Variants in TNPO3 observed in about 807,000 individuals in gnomAD.
TNPO3 encodes the protein transportin 3.
A neutral mutation model predicts 122.8 loss-of-function variants in TNPO3; 65 were observed. That is an observed-to-expected ratio of 0.53 (90% CI 0.43 to 0.65). TNPO3 has a LOEUF of 0.65. TNPO3 is among the 30% of genes least tolerant of loss of function. TNPO3 has a pLI of 0.00. For missense variants in TNPO3, 850 were observed against 1,136.7 expected (o/e 0.75, Z 3.63); for synonymous variants, 372 against 411.2 (o/e 0.90, Z 1.15).
At chr7:128,983,034 C>T in intron 13 of TNPO3, among the ~76,000 whole-genome samples, 1 of 152,210 alleles carries the variant, frequency 6.6e-6, no homozygotes. Context: ...CTCCCACCAA[C>T]TGAATAGGTC....
At chr7:129,033,632 A>C (rs564213946) in intron 1 of TNPO3, among the ~76,000 whole-genome samples, 1 of 152,150 alleles carries the variant, frequency 6.6e-6, no homozygotes, top group South Asian at 2.1e-4. Context: ...ATAAAATCTC[A>C]AACAGGGCCG....
intron 14 of TNPO3, among the ~76,000 whole-genome samples, chr7:128,982,020 C>T (rs1370961755): frequency 6.6e-6 from 1 of 151,268 alleles, no homozygotes; most frequent in African/African-American, 2.4e-5. Context: ...TGAGCCATCG[C>T]TCCCGGCCTT....
At chr7:128,962,693 T>C (rs899403789) in intron 21 of TNPO3, among the ~76,000 whole-genome samples, 7 of 152,250 alleles carry the variant, frequency 4.6e-5, no homozygotes, top group Non-Finnish European at 8.8e-5. Context: ...CCCACCACTA[T>C]GTTACATATG....
intron 1 of TNPO3, among the ~76,000 whole-genome samples, chr7:129,046,488 A>G (rs1808075149): frequency 1.3e-5 from 2 of 152,222 alleles, no homozygotes; most frequent in African/African-American, 4.8e-5. Flanking sequence ...AAGCATAAGC[A>G]CACACAAAAA....
At position 128,993,865 on chromosome 7, in the gene TNPO3, A is replaced by G; in HGVS notation, c.1208T>C (p.Val403Ala). ...AATCAAGTCCTTTACCAGGTCTGAT[A>G]CCCTCATGCGAAACTCCCCAAAGTC... ...TDDFGEFRMR[V>A]SDLVKDLIFL... Residue 403 changes from valine (V) to alanine (A), a missense_variant, in exon 9 of 23, where the codon GTA (valine) becomes GCA (alanine). Val to Ala is a moderately conservative substitution (Grantham distance 64, BLOSUM62 0). Transcript: ENST00000265388. The G allele has an allele frequency of 6.2e-7, 1 of 1,614,124 alleles. No homozygotes were observed. The highest frequency in any genetic ancestry group is 1.3e-5 in the African/African-American group (1 of 75,022).
chr7:128,995,865 A>C (rs1801256994), intron 8 of TNPO3, among the ~76,000 whole-genome samples: 1 of 152,070 alleles, frequency 6.6e-6, no homozygotes, highest in Admixed American at 6.5e-5. Context: ...TGCCCAGCTA[A>C]TTTTTGTATT....
intron 1 of TNPO3, among the ~76,000 whole-genome samples, chr7:129,036,393 T>C (rs946032129): frequency 5.9e-5 from 9 of 152,154 alleles, no homozygotes; most frequent in African/African-American, 1.9e-4. Flanking sequence ...GGATTTGTTT[T>C]TTAATATCAT....
Position 128,974,932 on chromosome 7 carries a change from C to G in TNPO3, c.2209G>C (p.Glu737Gln). 6.2e-7 allele frequency: 1 copy of G among 1,614,166 alleles called. No homozygotes were observed. The highest frequency in any genetic ancestry group is 8.5e-7 in the Non-Finnish European group (1 of 1,180,032). Residue 737 changes from glutamate (E) to glutamine (Q), a missense_variant, in exon 18 of 23, where the codon GAA (glutamate) becomes CAA (glutamine). Physicochemically the swap from Glu to Gln is conservative, Grantham distance 29 (BLOSUM62 2). Coordinates refer to ENST00000265388, the MANE Select transcript of TNPO3 (RefSeq NM_012470.4). ...ALCIPTFQLL[E>Q]QQNGLQNHPD... is the part of the protein sequence containing the mutation. ...TGATTCTGGAGACCATTCTGCTGTT[C>G]TAGGAGCTGAAAGGTGGGGATGCAC... is the stretch of plus-strand genomic sequence containing the variant.
chr7:129,011,742 GA>G lies in TNPO3; in HGVS notation c.552+3236del, dbSNP rs528457485. 2.0e-5 allele frequency among the ~76,000 whole-genome samples: 3 copies of G among 152,258 alleles called. No homozygotes were observed. The East Asian group carries it at 5.8e-4, about 29-fold the overall frequency. ...AACTTGAAAAGGTAAGCAGATGACT[GA>G]AAAAGCAAGATGCAGAAGAATAAGT... On this transcript the variant is annotated intron_variant, in intron 4 of 22. Coordinates refer to ENST00000265388, the MANE Select transcript of TNPO3 (RefSeq NM_012470.4).
intron 3 of TNPO3, among the ~76,000 whole-genome samples, chr7:129,016,132 G>A (rs1346360595): frequency 6.6e-6 from 1 of 152,070 alleles, no homozygotes; most frequent in East Asian, 1.9e-4. Context: ...GCTGGATGAG[G>A]TGGCTCACGC....
intron 1 of TNPO3, among the ~76,000 whole-genome samples, chr7:129,046,330 TG>T (rs1808056295): frequency 6.6e-6 from 1 of 152,176 alleles, no homozygotes; most frequent in Admixed American, 6.5e-5. Flanking sequence ...GAAAGATCTT[TG>T]GTTTTCATTA....
In TNPO3 at chr7:128,972,420, A is replaced by T; in HGVS notation, c.2430+6T>A. On this transcript the variant is annotated splice_donor_region_variant and intron_variant, in intron 19 of 22. Transcript: ENST00000265388. ...TAAGTAGAAATGGTATCATTTTTATACTTACATCATTGGCTACCCCTGTAT... is the reference window on the plus strand; with the variant it reads ...TAAGTAGAAATGGTATCATTTTTATTCTTACATCATTGGCTACCCCTGTAT... 6.2e-7 allele frequency: 1 copy of T among 1,608,354 alleles called. No individual in the cohort carries two copies. The highest frequency in any genetic ancestry group is 8.5e-7 in the Non-Finnish European group (1 of 1,177,724).
intron 1 of TNPO3, among the ~76,000 whole-genome samples, chr7:129,031,701 C>G: frequency 6.6e-6 from 1 of 152,116 alleles, no homozygotes; most frequent in Non-Finnish European, 1.5e-5. Context: ...ATGAGACAAG[C>G]ATTATTCTGA....
At chr7:128,966,907 T>C (rs1318767437) in intron 21 of TNPO3, among the ~76,000 whole-genome samples, 1 of 152,256 alleles carries the variant, frequency 6.6e-6, no homozygotes, top group African/African-American at 2.4e-5. Context: ...TGATGTTTTA[T>C]AACCAATGCT....
intron 1 of TNPO3, among the ~76,000 whole-genome samples, chr7:129,052,716 T>C (rs1255071535): frequency 6.6e-6 from 1 of 152,250 alleles, no homozygotes; most frequent in Non-Finnish European, 1.5e-5. Flanking sequence ...GCAGAGATTT[T>C]TGTCTGGTTC....
At chr7:129,007,077 A>G (rs1446470958) in intron 4 of TNPO3, among the ~76,000 whole-genome samples, 1 of 152,192 alleles carries the variant, frequency 6.6e-6, no homozygotes, top group African/African-American at 2.4e-5. Flanking sequence ...CAGTCATTGC[A>G]ACATTTACTG....
At chr7:129,005,370 G>T (rs1238783528) in intron 4 of TNPO3, among the ~76,000 whole-genome samples, 1 of 151,746 alleles carries the variant, frequency 6.6e-6, no homozygotes, top group Non-Finnish European at 1.5e-5. Context: ...ACAGGCATGT[G>T]CCACTGCATC....
At chr7:128,985,864 G>A (rs1424433488) in intron 12 of TNPO3, among the ~76,000 whole-genome samples, 1 of 152,150 alleles carries the variant, frequency 6.6e-6, no homozygotes, top group Non-Finnish European at 1.5e-5. Flanking sequence ...AATAACAAAG[G>A]ACAGAATTCA....
chr7:129,035,501 T>C (rs544532075), intron 1 of TNPO3, among the ~76,000 whole-genome samples: 93 of 152,134 alleles, frequency 6.1e-4, no homozygotes, highest in Non-Finnish European at 9.4e-4. Flanking sequence ...TAATGCCAGC[T>C]ACTTTGGAGG....
Sources: allele counts gnomAD v4.1 joint callset (sites outside exome capture counted in the v4.1 genomes callset), GRCh38; gene constraint gnomAD v4.1.1; transcripts MANE v1.5; gene names NCBI Gene and HGNC (gene_info 2026-07-23, HGNC 2026-07-21).